Variants in MARCHF3 observed in about 807,000 individuals in gnomAD.
MARCHF3 encodes the protein membrane associated ring-CH-type finger 3.
In MARCHF3, 13 loss-of-function variants were observed where a neutral mutation model predicts 24.2. The observed-to-expected ratio is 0.54, with a 90% confidence interval of 0.35 to 0.85. The LOEUF (loss-of-function observed/expected upper bound fraction) is 0.85, where lower values mean the gene tolerates loss of function less well. Among genes scored for constraint, MARCHF3 ranks in the 40% least tolerant of loss-of-function variants. The pLI, the probability that MARCHF3 is intolerant of heterozygous loss-of-function variation, is 0.01. For missense variants in MARCHF3, 276 were observed against 325.0 expected, an observed-to-expected ratio of 0.85 and a Z score of 1.16; for synonymous variants, 144 against 137.3, an observed-to-expected ratio of 1.05 and a Z score of -0.34.
chr5:126,939,460 GGT>G (rs1289697702), intron 1 of MARCHF3, among the ~76,000 whole-genome samples: 1 of 152,060 alleles, frequency 6.6e-6, no homozygotes, highest in Non-Finnish European at 1.5e-5. Flanking sequence ...GGCTGTTCTG[GGT>G]GATCAGCCTT....
chr5:127,000,126 T>A (rs1189303756), intron 1 of MARCHF3, among the ~76,000 whole-genome samples: 3 of 151,710 alleles, frequency 2.0e-5, no homozygotes, highest in Admixed American at 1.3e-4. Flanking sequence ...TTGAAAGAGA[T>A]CCTTCATATC....
chr5:126,972,571 G>A (rs920158897), intron 1 of MARCHF3, among the ~76,000 whole-genome samples: 53 of 152,296 alleles, frequency 3.5e-4, no homozygotes, highest in African/African-American at 1.2e-3. Context: ...CATGAAAGGT[G>A]TTGATGCCAT....
At chr5:126,981,147 T>A (rs944794335) in intron 1 of MARCHF3, among the ~76,000 whole-genome samples, 1 of 152,194 alleles carries the variant, frequency 6.6e-6, no homozygotes, top group Non-Finnish European at 1.5e-5. Context: ...ACATTACATA[T>A]ACTTCTGATG....
intron 1 of MARCHF3, among the ~76,000 whole-genome samples, chr5:127,012,342 TA>T (rs1189866985): frequency 6.6e-6 from 1 of 152,194 alleles, no homozygotes; most frequent in African/African-American, 2.4e-5. Context: ...TTCACTTTTT[TA>T]AAAAAGCAAC....
At position 126,938,165 on chromosome 5, in the gene MARCHF3, CTTTTTTTTTTTTTTT is replaced by C. The variant is rs527628656; in HGVS notation, c.-56-19953_-56-19939del. ...AATTCTCAGCTCTGTTGATCTGATT[CTTTTTTTTTTTTTTT>C]TTTTTTTGAGACAGTCTTGCTCTGC... On this transcript the variant is annotated intron_variant, in intron 1 of 4. Transcript: ENST00000308660. 7.3e-5 allele frequency among the ~76,000 whole-genome samples: 9 copies of C among 122,900 alleles called. No individual in the cohort carries two copies. The East Asian group carries it at 2.1e-3, about 28-fold the overall frequency. The allele number at this position is 122,900 out of a possible 152,430, so 80.6% of individuals were successfully genotyped here.
chr5:126,970,431 T>A (rs1475896958), intron 1 of MARCHF3, among the ~76,000 whole-genome samples: 1 of 152,160 alleles, frequency 6.6e-6, no homozygotes, highest in African/African-American at 2.4e-5. Flanking sequence ...TAGGAAAGTG[T>A]CTTGATTTCA....
chr5:127,006,899 G>A (rs796606486), intron 1 of MARCHF3, among the ~76,000 whole-genome samples: 2 of 152,244 alleles, frequency 1.3e-5, no homozygotes, highest in African/African-American at 4.8e-5. Flanking sequence ...GCTTGCTTAT[G>A]AATGATGCAG....
intron 1 of MARCHF3, chr5:127,029,931 C>A (rs1561481002): frequency 6.6e-6 from 1 of 152,276 alleles, no homozygotes; most frequent in Non-Finnish European, 1.5e-5. Context: ...CACCTTGAGC[C>A]CGATGAGCGC....
intron 1 of MARCHF3, among the ~76,000 whole-genome samples, chr5:126,989,456 GT>G (rs985084693): frequency 5.9e-5 from 9 of 152,090 alleles, no homozygotes; most frequent in Non-Finnish European, 1.3e-4. Flanking sequence ...AGCAAAGGAA[GT>G]TTTTTTAAAG....
At position 126,998,460 on chromosome 5, in the gene MARCHF3, C is replaced by T. The variant is rs1011595468; in HGVS notation, c.-57+31890G>A. On this transcript the variant is annotated intron_variant, in intron 1 of 4. Coordinates refer to ENST00000308660, the MANE Select transcript of MARCHF3 (RefSeq NM_178450.5). Reference sequence around the variant, plus strand: ...AAGCTACACAAGATGGGCATTTGGCCTTTCACCAACATGCTTGTTCCTTGA... The same window carrying T: ...AAGCTACACAAGATGGGCATTTGGCTTTTCACCAACATGCTTGTTCCTTGA... Among the ~76,000 whole-genome samples, 39 of 152,210 alleles carry T rather than the reference C, an allele frequency of 2.6e-4. 1 individual carries two copies. Among genetic ancestry groups the T allele is most frequent in the Non-Finnish European group, 1.9e-4 (13 of 68,042 alleles).
At chr5:126,884,378 C>A (rs1011101691) in intron 3 of MARCHF3, among the ~76,000 whole-genome samples, 1 of 152,180 alleles carries the variant, frequency 6.6e-6, no homozygotes, top group Non-Finnish European at 1.5e-5. Context: ...AGATATCCAT[C>A]AAACCAGACT....
chr5:126,911,942 T>C (rs576333984), intron 3 of MARCHF3, among the ~76,000 whole-genome samples: 5 of 152,202 alleles, frequency 3.3e-5, no homozygotes, highest in African/African-American at 1.2e-4. Context: ...AAAGATGTCA[T>C]GGAGAGCTCT....
rs374365515 is a variant in MARCHF3, at chr5:126,938,271, G to A, written c.-56-20044C>T. ...CAATCTCTGCCTCCCAGGTTCAAGC[G>A]ATTCTGATGCCTCAGCCTCCCGAGT... On this transcript the variant is annotated intron_variant, in intron 1 of 4. Transcript: ENST00000308660. Among the ~76,000 whole-genome samples, 40 of 149,974 alleles carry A rather than the reference G, an allele frequency of 2.7e-4. No homozygotes were observed. In the East Asian group the frequency reaches 2.9e-3, roughly 11 times the overall value.
At chr5:126,949,744 G>A (rs1001869645) in intron 1 of MARCHF3, among the ~76,000 whole-genome samples, 65 of 152,304 alleles carry the variant, frequency 4.3e-4, no homozygotes, top group Non-Finnish European at 4.3e-4. Flanking sequence ...GGATCAGAGA[G>A]GCAAATGTTC....
intron 1 of MARCHF3, among the ~76,000 whole-genome samples, chr5:126,933,570 G>A (rs762373520): frequency 3.3e-5 from 5 of 151,152 alleles, no homozygotes; most frequent in South Asian, 2.1e-4. Context: ...TAAGCCTCCC[G>A]AGTAGCTGGG....
chr5:126,967,743 C>T (rs1029647193), intron 1 of MARCHF3, among the ~76,000 whole-genome samples: 3 of 151,962 alleles, frequency 2.0e-5, no homozygotes, highest in African/African-American at 4.8e-5. Context: ...TCTTTTTTTG[C>T]ACTAGAGCTG....
intron 1 of MARCHF3, among the ~76,000 whole-genome samples, chr5:126,931,766 G>T (rs1420114036): frequency 6.6e-6 from 1 of 152,148 alleles, no homozygotes; most frequent in African/African-American, 2.4e-5. Flanking sequence ...ATTATATTGG[G>T]TGGGAATAGT....
intron 1 of MARCHF3, among the ~76,000 whole-genome samples, chr5:127,010,964 G>A (rs1324191144): frequency 2.0e-5 from 3 of 152,086 alleles, no homozygotes; most frequent in African/African-American, 7.2e-5. Context: ...ACAATATTAT[G>A]AATGTATTTA....
Position 126,870,704 on chromosome 5 carries a change from C to A in MARCHF3, c.691G>T (p.Val231Leu), listed in dbSNP as rs781099309. ...VILLIPKSVN[V>L]PSNQPSLLGL... ...AGCAAGGACGGCTGGTTAGAAGGTA[C>A]ATTGACAGACTTTGGAATGAGGAGA... The change falls in exon 5 of 5, where the codon GTA (valine) becomes TTA (leucine). Residue 231 changes from valine to leucine, a missense_variant. Transcript: ENST00000308660. The A allele has an allele frequency of 6.2e-7, 1 of 1,614,198 alleles. No individual in the cohort carries two copies. The highest frequency in any genetic ancestry group is 8.5e-7 in the Non-Finnish European group (1 of 1,180,048).
Sources: allele counts gnomAD v4.1 joint callset (sites outside exome capture counted in the v4.1 genomes callset), GRCh38; gene constraint gnomAD v4.1.1; transcripts MANE v1.5; gene names NCBI Gene and HGNC (gene_info 2026-07-23, HGNC 2026-07-21).